Variants in MBNL3 observed in about 807,000 individuals in gnomAD.
The protein encoded by MBNL3 is muscleblind-like protein 3.
In MBNL3, 6 loss-of-function variants were observed where a neutral mutation model predicts 24.5. That is an observed-to-expected ratio of 0.25 (90% CI 0.13 to 0.48). The LOEUF is 0.48. Among genes scored for constraint, MBNL3 ranks in the 20% least tolerant of loss-of-function variants. MBNL3 has a pLI of 0.99. For missense variants in MBNL3, 230 were observed against 293.5 expected (o/e 0.78, Z 1.58); for synonymous variants, 100 against 101.7 (o/e 0.98, Z 0.10).
intron 1 of MBNL3, among the ~76,000 whole-genome samples, chrX:132,474,893 G>T (rs1277759068): frequency 9.0e-6 from 1 of 110,894 alleles, no homozygotes; most frequent in Non-Finnish European, 1.9e-5. Context: ...CAGCTTCTTG[G>T]CTCTCAAAAA....
rs141851492 is a variant in MBNL3 at position 132,452,505 on chromosome X, A to G, written c.-703-12191T>C. ...CAGGCCCTTATCTAGGTCCTGGGGA[A>G]ACAAAGGTGAACAACACAAAAGCCC... On this transcript the variant is annotated intron_variant, in intron 1 of 8. Transcript: ENST00000370853. Among the ~76,000 whole-genome samples, 910 of 112,715 alleles carry G rather than the reference A, an allele frequency of 8.1e-3. 5 individuals carry two copies. Among genetic ancestry groups the G allele is most frequent in the African/African-American group, 0.028 (859 of 31,033 alleles).
At position 132,375,090 on chromosome X, in the gene MBNL3, C is replaced by T. The variant is rs1934009850; in HGVS notation, c.*4576G>A. 2.7e-5 allele frequency: 3 copies of T among 110,807 alleles called. No homozygotes were observed. The Admixed American group carries it at 2.9e-4, about 11-fold the overall frequency. The allele number at this position is 110,807 out of a possible 1,213,427, so 9.1% of individuals were successfully genotyped here. On this transcript the variant is annotated 3_prime_UTR_variant, in exon 9 of 9. Transcript: ENST00000370853. ...CACAAATTCAGCTTTTATATATGGGCCTTTGGGATTAAAAAAGAACTCAAC... is the reference window on the plus strand; with the variant it reads ...CACAAATTCAGCTTTTATATATGGGTCTTTGGGATTAAAAAAGAACTCAAC...
rs916992783 is a variant in MBNL3 at position 132,412,715 on chromosome X, C to T, written c.178-6323G>A. On this transcript the variant is annotated intron_variant, in intron 2 of 8. Coordinates refer to ENST00000370853, the MANE Select transcript of MBNL3 (RefSeq NM_001386889.1). ...AAATCTACTTCCTGCCCTATTCCAC[C>T]CCACTTACACACTTTTTACCTCGGT... is the stretch of plus-strand genomic sequence containing the variant. 1.6e-4 allele frequency among the ~76,000 whole-genome samples: 18 copies of T among 112,054 alleles called. No individual in the cohort carries two copies. In the Admixed American group the frequency reaches 1.7e-3, roughly 11 times the overall value.
chrX:132,473,640 C>A (rs1000002499), intron 1 of MBNL3, among the ~76,000 whole-genome samples: 5 of 110,714 alleles, frequency 4.5e-5, no homozygotes, highest in South Asian at 7.5e-4. Context: ...ACAAAAAAAA[C>A]CCATATGTAT....
rs1933552818 is a variant in MBNL3, at chrX:132,370,856, C to G, written c.*8810G>C. On this transcript the variant is annotated 3_prime_UTR_variant, in exon 9 of 9. Transcript: ENST00000370853. ...AAAAGAATTTGAAAAGTACCCAAGA[C>G]AAACTTGGTTTACATCTGGTTTTGC... The G allele has an allele frequency of 9.0e-6, 1 of 111,693 alleles. No homozygotes were observed. Among genetic ancestry groups the G allele is most frequent in the South Asian group, 3.7e-4 (1 of 2,668 alleles). 9.2% of individuals were successfully genotyped at this position (111,693 alleles called of 1,213,427 possible). A position where few individuals can be genotyped will look rare whatever the true frequency, so the allele number is the denominator to read the frequency against.
chrX:132,469,122 G>A (rs1947040046), intron 1 of MBNL3, among the ~76,000 whole-genome samples: 1 of 111,835 alleles, frequency 8.9e-6, no homozygotes. Flanking sequence ...CCGTGGATGG[G>A]GTATCCATAT....
At chrX:132,443,723 A>G (rs976100910) in intron 1 of MBNL3, among the ~76,000 whole-genome samples, 5 of 111,620 alleles carry the variant, frequency 4.5e-5, no homozygotes. Flanking sequence ...TGAATGATAC[A>G]CCAAGCACTA....
At chrX:132,395,465 T>G (rs1207703266) in intron 3 of MBNL3, among the ~76,000 whole-genome samples, 1 of 112,066 alleles carries the variant, frequency 8.9e-6, no homozygotes, top group African/African-American at 3.2e-5. Context: ...CAACCTAAAT[T>G]ATTTACTAAA....
chrX:132,402,880 A>G (rs1941169884), intron 3 of MBNL3, among the ~76,000 whole-genome samples: 2 of 112,138 alleles, frequency 1.8e-5, no homozygotes, highest in African/African-American at 6.5e-5. Context: ...ACCATATTCA[A>G]TTCTGCAAAG....
intron 2 of MBNL3, among the ~76,000 whole-genome samples, chrX:132,426,681 C>T (rs912872001): frequency 8.1e-5 from 9 of 111,648 alleles, no homozygotes; most frequent in African/African-American, 2.3e-4. Context: ...CCATCTTCAA[C>T]CACCACTGCT....
Position 132,377,054 on chromosome X carries a change from T to G in MBNL3, c.*2612A>C, listed in dbSNP as rs1290320714. 8.9e-6 allele frequency: 1 copy of G among 111,945 alleles called. No homozygotes were observed. Among genetic ancestry groups the G allele is most frequent in the Non-Finnish European group, 1.9e-5 (1 of 53,055 alleles). 9.2% of individuals were successfully genotyped at this position (111,945 alleles called of 1,213,427 possible). A position where few individuals can be genotyped will look rare whatever the true frequency, so the allele number is the denominator to read the frequency against. On this transcript the variant is annotated 3_prime_UTR_variant, in exon 9 of 9. Coordinates refer to ENST00000370853, the MANE Select transcript of MBNL3 (RefSeq NM_001386889.1). ...CTGTAGGTCTATTATCTATGGTTTATGTATATCTTTGCCCAAAGTTGAAAA... is the reference window on the plus strand; with the variant it reads ...CTGTAGGTCTATTATCTATGGTTTAGGTATATCTTTGCCCAAAGTTGAAAA...
At chrX:132,408,266 C>A (rs990850051) in intron 2 of MBNL3, among the ~76,000 whole-genome samples, 3 of 106,565 alleles carry the variant, frequency 2.8e-5, no homozygotes, top group Non-Finnish European at 5.8e-5. Context: ...AGGGCCACCA[C>A]TCTAATTCCT....
intron 1 of MBNL3, among the ~76,000 whole-genome samples, chrX:132,486,717 T>C (rs1948029440): frequency 8.9e-6 from 1 of 112,260 alleles, no homozygotes; most frequent in Admixed American, 9.4e-5. Context: ...AAGCACCTAG[T>C]TTGTGCAAAG....
At chrX:132,473,596 A>G (rs984322735) in intron 1 of MBNL3, among the ~76,000 whole-genome samples, 7 of 111,432 alleles carry the variant, frequency 6.3e-5, no homozygotes, top group African/African-American at 2.3e-4. Context: ...GCTGAAATTT[A>G]GAAGAATAAA....
intron 1 of MBNL3, among the ~76,000 whole-genome samples, chrX:132,441,912 C>T (rs1297399367): frequency 8.9e-6 from 1 of 111,890 alleles, no homozygotes; most frequent in Non-Finnish European, 1.9e-5. Context: ...GTTATTTGGC[C>T]ACAAATAGGA....
At chrX:132,454,731 A>T (rs1245652059) in intron 1 of MBNL3, among the ~76,000 whole-genome samples, 1 of 112,158 alleles carries the variant, frequency 8.9e-6, no homozygotes, top group East Asian at 2.8e-4. Flanking sequence ...ATTATTTCAC[A>T]TTCATATCAC....
intron 2 of MBNL3, among the ~76,000 whole-genome samples, chrX:132,412,471 G>A (rs1488523333): frequency 8.9e-6 from 1 of 112,697 alleles, no homozygotes; most frequent in Admixed American, 9.3e-5. Flanking sequence ...ATCACAGCAG[G>A]TGGGGCCTTC....
intron 3 of MBNL3, among the ~76,000 whole-genome samples, chrX:132,405,303 G>A (rs1485237604): frequency 9.0e-6 from 1 of 111,375 alleles, no homozygotes; most frequent in Non-Finnish European, 1.9e-5. Context: ...GAGAAGAGAG[G>A]GGAGGCAAAA....
At chrX:132,414,124 T>C (rs1399675680) in intron 2 of MBNL3, among the ~76,000 whole-genome samples, 1 of 112,202 alleles carries the variant, frequency 8.9e-6, no homozygotes, top group African/African-American at 3.2e-5. Context: ...CCCTGATTAC[T>C]CACATTAAAA....
Sources: gnomAD v4.1 joint callset for allele counts (sites outside exome capture counted in the v4.1 genomes callset) on GRCh38, gnomAD v4.1.1 for gene constraint, MANE v1.5 for transcripts, NCBI Gene and HGNC (gene_info 2026-07-23, HGNC 2026-07-21) for gene names.